CSMD2: variants seen among roughly 807,000 people sequenced by gnomAD.
CSMD2 encodes CUB and sushi domain-containing protein 2.
In CSMD2, 130 loss-of-function variants were observed where a neutral mutation model predicts 398.5. The observed-to-expected ratio is 0.33, with a 90% CI of 0.28 to 0.38. CSMD2 has a LOEUF of 0.38. Among genes scored for constraint, CSMD2 ranks in the 10% least tolerant of loss-of-function variants. CSMD2 has a pLI of 1.00. For missense variants in CSMD2, 3,829 were observed against 4,764.9 expected (o/e 0.80, Z 5.78); for synonymous variants, 1,828 against 1,908.5 (o/e 0.96, Z 1.10).
intron 3 of CSMD2, among the ~76,000 whole-genome samples, chr1:34,016,449 C>T (rs1055943206): frequency 6.6e-6 from 1 of 152,074 alleles, no homozygotes; most frequent in Non-Finnish European, 1.5e-5. Flanking sequence ...TGATGGATTC[C>T]AGCTTCATCC....
chr1:33,956,557 G>A (rs1314438026), intron 3 of CSMD2, among the ~76,000 whole-genome samples: 1 of 152,170 alleles, frequency 6.6e-6, no homozygotes, highest in Non-Finnish European at 1.5e-5. Context: ...GAGTTGCTCT[G>A]AAGATGGAAT....
chr1:33,539,025 G>C (rs151328901), intron 60 of CSMD2, among the ~76,000 whole-genome samples: 1 of 152,066 alleles, frequency 6.6e-6, no homozygotes, highest in African/African-American at 2.4e-5. Context: ...TGGAGTGCAG[G>C]GGTGCGATCT....
chr1:33,551,592 C>T (rs536850445), intron 55 of CSMD2, among the ~76,000 whole-genome samples: 3 of 152,194 alleles, frequency 2.0e-5, no homozygotes, highest in Non-Finnish European at 4.4e-5. Context: ...TTGGTAGGTA[C>T]TGGGATGGTA....
chr1:33,614,645 G>C, intron 39 of CSMD2, 25 bp from the exon 40 acceptor site: 1 of 1,392,514 alleles, frequency 7.2e-7, no homozygotes, highest in Non-Finnish European at 1.0e-6. Flanking sequence ...TGAGACAGAG[G>C]GTCAGGACAA....
At chr1:34,103,584 T>C (rs909921719) in intron 1 of CSMD2, among the ~76,000 whole-genome samples, 5 of 152,106 alleles carry the variant, frequency 3.3e-5, no homozygotes, top group South Asian at 2.1e-4. Flanking sequence ...TGTGAGCCAC[T>C]GCGTCCGACC....
intron 10 of CSMD2, among the ~76,000 whole-genome samples, chr1:33,802,618 T>C (rs1655735017): frequency 6.6e-6 from 1 of 152,180 alleles, no homozygotes; most frequent in African/African-American, 2.4e-5. Context: ...GTGTCAGGGA[T>C]GCATCATAAT....
chr1:33,743,281 G>T lies in CSMD2; in HGVS notation c.2172C>A (p.Thr724=). The T allele has an allele frequency of 6.3e-7, 1 of 1,596,602 alleles. No homozygotes were observed. Among genetic ancestry groups the T allele is most frequent in the Non-Finnish European group, 8.6e-7 (1 of 1,169,458 alleles). ...TGKRGFNITF[T]TFRHNECPDP... ...GCTGGTGACAGAGGGAGGACTCACT[G>T]GTAAAAGTGATGTTGAAGCCCCTCT... Residue 724 remains threonine (T), a splice_region_variant and synonymous_variant, in exon 14 of 71, where the codon ACC becomes ACA. Coordinates refer to ENST00000373381, the MANE Select transcript of CSMD2 (RefSeq NM_001281956.2).
intron 5 of CSMD2, chr1:33,864,432 A>G: frequency 6.2e-7 from 1 of 1,613,600 alleles, no homozygotes; most frequent in Non-Finnish European, 8.5e-7. Flanking sequence ...TTATGTTGGC[A>G]AGAGGAAGAA....
At chr1:33,663,172 A>T (rs1193612179) in intron 25 of CSMD2, 80 bp from the exon 26 acceptor site, 1 of 1,215,118 alleles carries the variant, frequency 8.2e-7, no homozygotes, top group Non-Finnish European at 1.2e-6. Flanking sequence ...TCCTAAACCT[A>T]CGAAGACTGG....
intron 3 of CSMD2, among the ~76,000 whole-genome samples, chr1:33,964,209 T>C (rs144119855): frequency 2.3e-3 from 355 of 151,434 alleles, no homozygotes; most frequent in Admixed American, 7.8e-3. Context: ...GTTCAAATCC[T>C]GGCTCTACCA....
chr1:34,011,563 T>A (rs1034475389), intron 3 of CSMD2, among the ~76,000 whole-genome samples: 1 of 152,180 alleles, frequency 6.6e-6, no homozygotes, highest in African/African-American at 2.4e-5. Context: ...GAAAAGCCTA[T>A]AAGTGTATTC....
At chr1:33,748,891 C>T (rs890247695) in intron 13 of CSMD2, among the ~76,000 whole-genome samples, 1 of 152,128 alleles carries the variant, frequency 6.6e-6, no homozygotes, top group Non-Finnish European at 1.5e-5. Flanking sequence ...ATTGACCTTA[C>T]ATTAGGCTAT....
At chr1:33,585,903 G>T (rs966835568) in intron 46 of CSMD2, among the ~76,000 whole-genome samples, 2 of 152,128 alleles carry the variant, frequency 1.3e-5, no homozygotes, top group Admixed American at 1.3e-4. Flanking sequence ...ATTTAATACC[G>T]CCATGGCATA....
chr1:33,660,873 A>G (rs964527655), intron 26 of CSMD2, among the ~76,000 whole-genome samples: 1 of 152,202 alleles, frequency 6.6e-6, no homozygotes, highest in Non-Finnish European at 1.5e-5. Context: ...GTCTTCTAAG[A>G]GCTTTTAGTG....
At chr1:33,975,486 T>TATACACACAC (rs145373689) in intron 3 of CSMD2, among the ~76,000 whole-genome samples, 1,865 of 146,448 alleles carry the variant, frequency 0.013, 39 homozygotes, top group African/African-American at 0.044. Flanking sequence ...CTCCCAAGTG[T>TATACACACAC]ACACACACAC....
At chr1:34,130,241 A>G (rs974416986) in intron 1 of CSMD2, among the ~76,000 whole-genome samples, 2 of 152,116 alleles carry the variant, frequency 1.3e-5, no homozygotes, top group Admixed American at 6.5e-5. Flanking sequence ...CAGAGCTATG[A>G]AGAAGGTGAT....
intron 3 of CSMD2, among the ~76,000 whole-genome samples, chr1:33,988,682 C>A (rs1292000577): frequency 2.6e-5 from 4 of 151,806 alleles, no homozygotes; most frequent in African/African-American, 7.3e-5. Context: ...CAACACCTGA[C>A]ATGTCACAGA....
rs761185044 is a variant in CSMD2, at chr1:33,519,979, G to A, written c.10598-29C>T. 2.5e-5 allele frequency: 40 copies of A among 1,612,336 alleles called. No homozygotes were observed. The highest frequency in any genetic ancestry group is 5.0e-5 in the Admixed American group (3 of 59,986). ...TAAAGTCCCAAAGCAGAAAAGTCAA[G>A]TCACGAGACACAGTCTGAGGCTCCG... On this transcript the variant is annotated intron_variant, in intron 68 of 70. Transcript: ENST00000373381. The surrounding 1 kb of genome is among the most constrained non-coding windows in gnomAD (Gnocchi z 5.6).
At chr1:33,903,348 T>TA (rs375167670) in intron 5 of CSMD2, among the ~76,000 whole-genome samples, 2,036 of 150,546 alleles carry the variant, frequency 0.014, 50 homozygotes, top group African/African-American at 0.048. Flanking sequence ...TTTTTTTTTT[T>TA]AAAGACTGGC....
Sources: allele counts gnomAD v4.1 joint callset (sites outside exome capture counted in the v4.1 genomes callset), GRCh38; gene constraint gnomAD v4.1.1; non-coding constraint Gnocchi (gnomAD v3.1); transcripts MANE v1.5; gene names NCBI Gene and HGNC (gene_info 2026-07-23, HGNC 2026-07-21).